NEDD4: variants seen among roughly 807,000 people sequenced by gnomAD.
NEDD4 encodes E3 ubiquitin-protein ligase NEDD4.
In NEDD4, 99 loss-of-function variants were observed where a neutral mutation model predicts 144.9. That is an observed-to-expected ratio of 0.68 (90% CI 0.58 to 0.81). The LOEUF (loss-of-function observed/expected upper bound fraction) is 0.81, where lower values mean the gene tolerates loss of function less well. Ranked by LOEUF, NEDD4 falls within the 30% of genes least tolerant of loss-of-function variation. The pLI, the probability that NEDD4 is intolerant of heterozygous loss-of-function variation, is 0.00. For synonymous variants in NEDD4, 318 were observed against 350.6 expected (o/e 0.91, Z 1.04); for missense variants, 985 against 1,065.9 (o/e 0.92, Z 1.06).
chr15:55,986,580 CTTTTTTTT>C (rs58470215), intron 1 of NEDD4, among the ~76,000 whole-genome samples: 8 of 76,426 alleles, frequency 1.0e-4, no homozygotes, highest in Non-Finnish European at 1.3e-4. Flanking sequence ...CCTGTCCTTG[CTTTTTTTT>C]TTTTTTTTTT....
chr15:55,933,230 C>A (rs182038643), intron 4 of NEDD4, among the ~76,000 whole-genome samples: 20,378 of 151,842 alleles, frequency 0.13, 1,485 homozygotes, highest in East Asian at 0.32. Context: ...CACATGCACA[C>A]GTATGTTTAT....
intron 4 of NEDD4, among the ~76,000 whole-genome samples, chr15:55,932,652 A>T (rs1242409129): frequency 1.3e-5 from 2 of 152,232 alleles, no homozygotes; most frequent in African/African-American, 4.8e-5. Flanking sequence ...TGGCAACAAA[A>T]GCCAAAATTG....
chr15:55,887,190 A>G (rs1370431384), intron 5 of NEDD4, among the ~76,000 whole-genome samples: 3 of 152,170 alleles, frequency 2.0e-5, no homozygotes, highest in African/African-American at 7.2e-5. Context: ...AAAATGACAC[A>G]AAAGACCAAC....
intron 1 of NEDD4, among the ~76,000 whole-genome samples, chr15:55,975,639 A>T (rs1185983680): frequency 2.7e-5 from 4 of 150,372 alleles, no homozygotes; most frequent in African/African-American, 9.8e-5. Context: ...CAAAAAAAAA[A>T]CAAAAGGGAA....
At chr15:55,968,131 A>G (rs1324005259) in intron 1 of NEDD4, among the ~76,000 whole-genome samples, 1 of 152,188 alleles carries the variant, frequency 6.6e-6, no homozygotes, top group Non-Finnish European at 1.5e-5. Context: ...ATTTAATACT[A>G]TTCCCATTCT....
Position 55,970,493 on chromosome 15 carries a change from C to T in NEDD4, c.46-3947G>A, listed in dbSNP as rs117352429. Reference sequence around the variant, plus strand: ...TACTGTGTTGGCTTCAGGTGTGACCCAACACAGTCCCAGTGATGGTGGCCA... The same window carrying T: ...TACTGTGTTGGCTTCAGGTGTGACCTAACACAGTCCCAGTGATGGTGGCCA... On this transcript the variant is annotated intron_variant, in intron 1 of 28. Coordinates refer to ENST00000435532, the MANE Select transcript of NEDD4 (RefSeq NM_006154.4). Among the ~76,000 whole-genome samples the T allele has an allele frequency of 2.2e-4, 34 of 152,342 alleles. 1 individual carries two copies. The East Asian group carries it at 6.6e-3, about 29-fold the overall frequency.
At chr15:55,884,915 A>G (rs180771737) in intron 5 of NEDD4, among the ~76,000 whole-genome samples, 2 of 152,318 alleles carry the variant, frequency 1.3e-5, no homozygotes, top group Admixed American at 1.3e-4. Context: ...GAACTGTCCA[A>G]ACCTAGAGAA....
At chr15:55,985,289 C>T (rs1282767600) in intron 1 of NEDD4, among the ~76,000 whole-genome samples, 3 of 152,236 alleles carry the variant, frequency 2.0e-5, no homozygotes, top group Non-Finnish European at 2.9e-5. Flanking sequence ...CAGAAAATGT[C>T]TGTGGAGTGA....
intron 5 of NEDD4, among the ~76,000 whole-genome samples, chr15:55,874,930 T>G (rs932385506): frequency 6.6e-6 from 1 of 151,444 alleles, no homozygotes; most frequent in African/African-American, 2.4e-5. Context: ...GCCTGGACCA[T>G]GCCACTGCAC....
At chr15:55,839,628 G>GT (rs1397203320) in intron 21 of NEDD4, among the ~76,000 whole-genome samples, 12 of 151,962 alleles carry the variant, frequency 7.9e-5, no homozygotes, top group African/African-American at 2.9e-4. Context: ...TTGGGCTTCT[G>GT]TTTTTTTCTA....
intron 11 of NEDD4, among the ~76,000 whole-genome samples, chr15:55,858,155 T>C (rs1473539108): frequency 2.0e-5 from 3 of 152,128 alleles, no homozygotes; most frequent in African/African-American, 7.2e-5. Flanking sequence ...GATTGTTCCA[T>C]CCAACATATA....
chr15:55,951,403 TG>T lies in NEDD4; in HGVS notation c.209del (p.Pro70GlnfsTer28). On this transcript the variant is annotated frameshift_variant, in exon 4 of 29. Coordinates refer to ENST00000435532, the MANE Select transcript of NEDD4 (RefSeq NM_006154.4). LOFTEE classifies it high-confidence loss of function. ...QTKTIKKSLN[P>X]KWNEEILFRV... is the part of the protein sequence containing the mutation. ...TGAATAATATTTCTTCATTCCACTTTGGATTCAAACTCTAAAAAATAATAAA... is the reference window on the plus strand; with the variant it reads ...TGAATAATATTTCTTCATTCCACTTTGATTCAAACTCTAAAAAATAATAAA... 1 of 1,031,348 alleles carries T rather than the reference TG, an allele frequency of 9.7e-7. No homozygotes were observed. The highest frequency in any genetic ancestry group is 1.6e-5 in the South Asian group (1 of 62,166). The allele number at this position is 1,031,348 out of a possible 1,614,324, so 63.9% of individuals were successfully genotyped here. A position where few individuals can be genotyped will look rare whatever the true frequency, so the allele number is the denominator to read the frequency against.
chr15:55,981,376 T>TA (rs2037801457), intron 1 of NEDD4, among the ~76,000 whole-genome samples: 1 of 151,932 alleles, frequency 6.6e-6, no homozygotes, highest in South Asian at 2.1e-4. Context: ...CCTTTTTTTT[T>TA]CTTTTGAGCA....
chr15:55,960,076 T>A (rs879588165), intron 2 of NEDD4, among the ~76,000 whole-genome samples: 7 of 152,166 alleles, frequency 4.6e-5, no homozygotes, highest in Admixed American at 1.3e-4. Context: ...GGTAACCATC[T>A]CCCTAAGAAA....
At chr15:55,976,168 C>A (rs559171053) in intron 1 of NEDD4, among the ~76,000 whole-genome samples, 1 of 152,232 alleles carries the variant, frequency 6.6e-6, no homozygotes, top group African/African-American at 2.4e-5. Flanking sequence ...CTGGTCTAGG[C>A]AAAACTTTCT....
At position 55,854,321 on chromosome 15, in the gene NEDD4, T is replaced by TG. The variant is rs1421025029; in HGVS notation, c.1027-1779dup. ...AAATACACGGGAGTCCTACGTACTT[T>TG]GGGGACAGTTGTGATGAGCTGATAC... On this transcript the variant is annotated intron_variant, in intron 12 of 28. Transcript: ENST00000435532. 7.2e-5 allele frequency among the ~76,000 whole-genome samples: 11 copies of TG among 152,136 alleles called. 1 individual carries two copies. Among genetic ancestry groups the TG allele is most frequent in the Admixed American group, 6.6e-4 (10 of 15,260 alleles).
intron 7 of NEDD4, among the ~76,000 whole-genome samples, chr15:55,871,460 TG>T (rs1331244377): frequency 6.6e-6 from 1 of 152,212 alleles, no homozygotes; most frequent in Non-Finnish European, 1.5e-5. Flanking sequence ...TGTGACAAAT[TG>T]AAAAGCAGGC....
intron 4 of NEDD4, among the ~76,000 whole-genome samples, chr15:55,950,664 G>A (rs1362149111): frequency 7.9e-5 from 12 of 152,138 alleles, no homozygotes; most frequent in Admixed American, 5.9e-4. Flanking sequence ...GAGCGTCCCG[G>A]AGAAGCAGAA....
chr15:55,977,044 T>C (rs550153733), intron 1 of NEDD4, among the ~76,000 whole-genome samples: 1 of 152,236 alleles, frequency 6.6e-6, no homozygotes. Context: ...GTAGCTTGTA[T>C]GCCTTTCTCA....
Sources: allele counts gnomAD v4.1 joint callset (sites outside exome capture counted in the v4.1 genomes callset), GRCh38; gene constraint gnomAD v4.1.1; transcripts MANE v1.5; gene names NCBI Gene and HGNC (gene_info 2026-07-23, HGNC 2026-07-21).